Variants in CACNA1C observed in about 807,000 individuals in gnomAD.
The protein encoded by CACNA1C is voltage-dependent L-type calcium channel subunit alpha-1C.
CACNA1C carries 30 observed loss-of-function variants against 229.0 expected under a neutral mutation model. The observed-to-expected ratio is 0.13, with a 90% CI of 0.10 to 0.18. CACNA1C has a LOEUF of 0.18. Among genes scored for constraint, CACNA1C ranks in the 10% least tolerant of loss-of-function variants. CACNA1C has a pLI of 1.00. For synonymous variants in CACNA1C, 1,114 were observed against 1,132.5 expected (o/e 0.98, Z 0.33); for missense variants, 1,658 against 2,845.0 (o/e 0.58, Z 9.49).
chr12:2,291,752 G>A (rs533313264), intron 3 of CACNA1C, among the ~76,000 whole-genome samples: 9 of 152,186 alleles, frequency 5.9e-5, no homozygotes, highest in African/African-American at 9.7e-5. Context: ...AGCAAGAAAG[G>A]TGAATGTAAC....
At position 2,284,737 on chromosome 12, in the gene CACNA1C, C is replaced by T. The variant is rs745860627; in HGVS notation, c.478-164239C>T. ...GTTTCCTGACTGAGTGGCAGTTGGA[C>T]GAGACACTTCTGCCCCTAAGCTGCA... On this transcript the variant is annotated intron_variant, in intron 3 of 46. Coordinates refer to ENST00000399655, the MANE Select transcript of CACNA1C (RefSeq NM_000719.7). Among the ~76,000 whole-genome samples, 61 of 152,208 alleles carry T rather than the reference C, an allele frequency of 4.0e-4. 1 individual carries two copies. Among genetic ancestry groups the T allele is most frequent in the Non-Finnish European group, 7.9e-4 (54 of 68,044 alleles).
intron 34 of CACNA1C, among the ~76,000 whole-genome samples, chr12:2,659,031 A>G (rs2095570248): frequency 6.6e-6 from 1 of 152,198 alleles, no homozygotes; most frequent in Admixed American, 6.5e-5. Flanking sequence ...AAGTTAATTT[A>G]TTACTGAAGA....
In CACNA1C at chr12:2,053,674, C is replaced by A; in HGVS notation, c.49+63C>A. 1.4e-5 allele frequency: 21 copies of A among 1,487,406 alleles called. No homozygotes were observed. The highest frequency in any genetic ancestry group is 1.8e-5 in the Non-Finnish European group (20 of 1,116,182). The allele number at this position is 1,487,406 out of a possible 1,614,324, so 92.1% of individuals were successfully genotyped here. A position where few individuals can be genotyped will look rare whatever the true frequency, so the allele number is the denominator to read the frequency against. Reference sequence around the variant, plus strand: ...CCTTTTCCACCGGGTTCCTGCCCTACCCGCGCTCCCCGCGGCCCCGGGGCC... The same window carrying A: ...CCTTTTCCACCGGGTTCCTGCCCTAACCGCGCTCCCCGCGGCCCCGGGGCC... On this transcript the variant is annotated intron_variant, in intron 1 of 46. Transcript: ENST00000399655. The surrounding 1 kb of genome is among the most constrained non-coding windows in gnomAD (Gnocchi z 5.8).
chr12:2,679,505 T>A lies in CACNA1C; in HGVS notation c.5153T>A (p.Phe1718Tyr). ...TACCAAAGCGACGGCCGGAGCGCCT[T>A]CCCCCAGACCTTCACCACTCAGCGC... ...SYYQSDGRSA[F>Y]PQTFTTQRPL... The change falls in exon 42 of 47, where the codon TTC (phenylalanine) becomes TAC (tyrosine). Residue 1718 changes from phenylalanine to tyrosine, a missense_variant. Around this residue, in one of 20 missense-constraint regions of CACNA1C, gnomAD observed 590 missense variants for 700.8 expected, o/e 0.84. Coordinates refer to ENST00000399655, the MANE Select transcript of CACNA1C (RefSeq NM_000719.7). The surrounding 1 kb of genome is among the most constrained non-coding windows in gnomAD (Gnocchi z 5.5). The A allele has an allele frequency of 1.9e-6, 3 of 1,609,236 alleles. No individual in the cohort carries two copies. Among genetic ancestry groups the A allele is most frequent in the Non-Finnish European group, 2.5e-6 (3 of 1,176,870 alleles).
chr12:2,062,606 C>T (rs191302737), intron 1 of CACNA1C, among the ~76,000 whole-genome samples: 4 of 152,328 alleles, frequency 2.6e-5, no homozygotes, highest in Admixed American at 1.3e-4. Flanking sequence ...TGCATGTTGT[C>T]GTGGTACCCC....
chr12:2,454,647 T>C (rs977021374), intron 4 of CACNA1C, among the ~76,000 whole-genome samples: 2 of 152,148 alleles, frequency 1.3e-5, no homozygotes, highest in African/African-American at 2.4e-5. Flanking sequence ...ATCTGCAAAG[T>C]TGAGCAGACT....
At position 2,630,978 on chromosome 12, in the gene CACNA1C, T is replaced by C. The variant is rs1308444372; in HGVS notation, c.3829-3319T>C. 6.6e-6 allele frequency among the ~76,000 whole-genome samples: 1 copy of C among 152,078 alleles called. No homozygotes were observed. The highest frequency in any genetic ancestry group is 1.5e-5 in the Non-Finnish European group (1 of 68,024). On this transcript the variant is annotated intron_variant, in intron 29 of 46. Coordinates refer to ENST00000399655, the MANE Select transcript of CACNA1C (RefSeq NM_000719.7). The surrounding 1 kb of genome is among the most constrained non-coding windows in gnomAD (Gnocchi z 5.4). ...GGGGGCTGTGCCTTCTGTCTGCACA[T>C]ATACAAAGAAATCTGGGAGAAAGGG...
At chr12:2,636,373 G>GA (rs1410334434) in intron 30 of CACNA1C, among the ~76,000 whole-genome samples, 2 of 152,008 alleles carry the variant, frequency 1.3e-5, no homozygotes, top group Admixed American at 6.5e-5. Flanking sequence ...TAAAGAAAAA[G>GA]AAAAAACAAC....
intron 8 of CACNA1C, among the ~76,000 whole-genome samples, chr12:2,507,174 G>A (rs990756990): frequency 2.0e-5 from 3 of 152,190 alleles, no homozygotes; most frequent in African/African-American, 4.8e-5. Flanking sequence ...GGAGACCTTC[G>A]CCAGCCTCTG....
intron 30 of CACNA1C, among the ~76,000 whole-genome samples, chr12:2,636,445 A>AG (rs1190214167): frequency 6.6e-6 from 1 of 152,188 alleles, no homozygotes; most frequent in Non-Finnish European, 1.5e-5. Context: ...GGGGATAGGG[A>AG]GGGGGCCTGA....
intron 43 of CACNA1C, among the ~76,000 whole-genome samples, chr12:2,683,422 T>C (rs1411972778): frequency 2.0e-5 from 3 of 152,210 alleles, no homozygotes; most frequent in Non-Finnish European, 4.4e-5. Flanking sequence ...CACAGAAGTT[T>C]GAGACACAGT....
At chr12:2,217,041 T>C (rs987221218) in intron 3 of CACNA1C, among the ~76,000 whole-genome samples, 2 of 152,258 alleles carry the variant, frequency 1.3e-5, no homozygotes, top group Admixed American at 1.3e-4. Flanking sequence ...AAACAGGATG[T>C]GGTATATACA....
At chr12:2,062,417 G>A (rs1456450240) in intron 1 of CACNA1C, among the ~76,000 whole-genome samples, 1 of 152,218 alleles carries the variant, frequency 6.6e-6, no homozygotes, top group Non-Finnish European at 1.5e-5. Context: ...TTAAATTCAG[G>A]TCTGTCGGAC....
chr12:2,002,081 T>C (rs559286540), intron 1 of CACNA1C, among the ~76,000 whole-genome samples: 1 of 152,336 alleles, frequency 6.6e-6, no homozygotes, highest in South Asian at 2.1e-4. Flanking sequence ...CACATAATCT[T>C]TCTTAATCCT....
At chr12:2,590,832 A>C (rs1002701036) in intron 18 of CACNA1C, among the ~76,000 whole-genome samples, 1 of 152,232 alleles carries the variant, frequency 6.6e-6, no homozygotes, top group African/African-American at 2.4e-5. Context: ...ATGAAGAAGA[A>C]AGTGTTGGGT....
intron 31 of CACNA1C, among the ~76,000 whole-genome samples, chr12:2,650,598 G>A (rs374019710): frequency 1.4e-3 from 213 of 152,280 alleles, no homozygotes; most frequent in African/African-American, 4.8e-3. Flanking sequence ...ATGTGGGCAG[G>A]AGGAGGGCCA....
rs907688067 is a variant in CACNA1C, at chr12:2,181,996, G to A, written c.477+61566G>A. On this transcript the variant is annotated intron_variant, in intron 3 of 46. Coordinates refer to ENST00000399655, the MANE Select transcript of CACNA1C (RefSeq NM_000719.7). This position sits in a 1 kb window ranked among gnomAD's most constrained non-coding sequence, Gnocchi z 4.0. ...GTTCAATAGGGAGCTCTTCAGAAAT[G>A]GAACATGTTGAGAGGCCAGGAGTTC... Among the ~76,000 whole-genome samples, 1 of 151,986 alleles carries A rather than the reference G, an allele frequency of 6.6e-6. No individual in the cohort carries two copies. Among genetic ancestry groups the A allele is most frequent in the Non-Finnish European group, 1.5e-5 (1 of 68,010 alleles).
chr12:2,265,320 C>T (rs896340763), intron 3 of CACNA1C, among the ~76,000 whole-genome samples: 1 of 152,220 alleles, frequency 6.6e-6, no homozygotes, highest in Non-Finnish European at 1.5e-5. Flanking sequence ...CACACGGGAG[C>T]ATTTGTTCCA....
Position 2,177,632 on chromosome 12 carries a change from C to CTT in CACNA1C, c.477+57203_477+57204insTT, listed in dbSNP as rs1555275096. ...TCCTTCCTTCCTTCCTTCCTTCTCT[C>CTT]TCTCTTTCTTTCTTTCTTTCTTTTT... On this transcript the variant is annotated intron_variant, in intron 3 of 46. Transcript: ENST00000399655. 0.012 allele frequency among the ~76,000 whole-genome samples: 1,424 copies of CTT among 118,216 alleles called. 117 individuals carry two copies. The East Asian group carries it at 0.13, about 11-fold the overall frequency. 77.6% of individuals were successfully genotyped at this position (118,216 alleles called of 152,430 possible).
Sources: allele counts gnomAD v4.1 joint callset (sites outside exome capture counted in the v4.1 genomes callset), GRCh38; gene constraint gnomAD v4.1.1; regional missense constraint gnomAD v4.1.1; non-coding constraint Gnocchi (gnomAD v3.1); transcripts MANE v1.5; gene names NCBI Gene and HGNC (gene_info 2026-07-23, HGNC 2026-07-21).